The following ASCC3 variants were observed in gnomAD, a reference collection of about 807,000 sequenced individuals.
ASCC3 encodes ASC-1 complex subunit P200.
ASCC3 carries 158 observed loss-of-function variants against 256.3 expected under a neutral mutation model. The observed-to-expected ratio is 0.62, with a 90% CI of 0.54 to 0.70. The LOEUF (loss-of-function observed/expected upper bound fraction) is 0.70, where lower values mean the gene tolerates loss of function less well. Among genes scored for constraint, ASCC3 ranks in the 30% least tolerant of loss-of-function variants. The pLI, the probability that ASCC3 is intolerant of heterozygous loss-of-function variation, is 0.00. For missense variants in ASCC3, 2,259 were observed against 2,626.0 expected, an observed-to-expected ratio of 0.86 and a Z score of 3.05; for synonymous variants, 948 against 883.4, an observed-to-expected ratio of 1.07 and a Z score of -1.30.
At chr6:100,517,911 A>G in intron 38 of ASCC3, 80 bp downstream of exon 38, 2 of 1,471,954 alleles carry the variant, frequency 1.4e-6, no homozygotes, top group South Asian at 2.4e-5. Context: ...CCATAACATA[A>G]AATTTCAGTG....
chr6:100,650,647 C>G lies in ASCC3; in HGVS notation c.3143G>C (p.Gly1048Ala). 6.8e-6 allele frequency: 11 copies of G among 1,612,070 alleles called. No homozygotes were observed. Among genetic ancestry groups the G allele is most frequent in the Non-Finnish European group, 9.3e-6 (11 of 1,178,486 alleles). ...LSNFCELSTP[G>A]GVENSYGKIN... is the part of the protein sequence containing the mutation. ...TTTCCCATAACTATTCTCTACACCTCCAGGAGTGGAGAGTTCACAAAAATT... is the reference window on the plus strand; with the variant it reads ...TTTCCCATAACTATTCTCTACACCTGCAGGAGTGGAGAGTTCACAAAAATT... The change falls in exon 20 of 42, where the codon GGA becomes GCA. Residue 1048 changes from glycine (G) to alanine (A), a missense_variant. Physicochemically the swap from Gly to Ala is moderately conservative, Grantham distance 60 (BLOSUM62 0). Coordinates refer to ENST00000369162, the MANE Select transcript of ASCC3 (RefSeq NM_006828.4).
At chr6:100,723,044 AAC>A (rs552019624) in intron 11 of ASCC3, among the ~76,000 whole-genome samples, 2 of 151,700 alleles carry the variant, frequency 1.3e-5, no homozygotes, top group African/African-American at 4.8e-5. Context: ...TAGAAGTGAA[AAC>A]ACAGCGTTGA....
chr6:100,674,000 C>T (rs1023385786), intron 14 of ASCC3, among the ~76,000 whole-genome samples: 4 of 152,144 alleles, frequency 2.6e-5, no homozygotes, highest in Non-Finnish European at 4.4e-5. Flanking sequence ...TTGAATTAAT[C>T]TGCTTCTCTT....
At chr6:100,812,850 A>G (rs1268935503) in intron 4 of ASCC3, among the ~76,000 whole-genome samples, 2 of 151,966 alleles carry the variant, frequency 1.3e-5, no homozygotes, top group African/African-American at 4.8e-5. Flanking sequence ...GGAATCCTTG[A>G]ACCCAGGAGT....
At chr6:100,871,119 G>A (rs186776291) in intron 1 of ASCC3, among the ~76,000 whole-genome samples, 67 of 151,376 alleles carry the variant, frequency 4.4e-4, no homozygotes, top group African/African-American at 1.2e-3. Context: ...CTTTTGAGAC[G>A]GAGTCTCACT....
intron 36 of ASCC3, among the ~76,000 whole-genome samples, chr6:100,560,098 T>C (rs1769849950): frequency 6.6e-6 from 1 of 152,174 alleles, no homozygotes; most frequent in Admixed American, 6.6e-5. Context: ...TTTCTGGTAA[T>C]ATATGTAAGT....
intron 10 of ASCC3, among the ~76,000 whole-genome samples, chr6:100,744,714 T>C (rs1780584517): frequency 6.6e-6 from 1 of 152,234 alleles, no homozygotes; most frequent in Non-Finnish European, 1.5e-5. Context: ...ATATACACTC[T>C]GATTTTTCCA....
At chr6:100,831,629 C>A (rs1030070140) in intron 4 of ASCC3, among the ~76,000 whole-genome samples, 2 of 152,052 alleles carry the variant, frequency 1.3e-5, no homozygotes, top group Non-Finnish European at 2.9e-5. Context: ...ATTCCTGGGG[C>A]CACAGCTACT....
chr6:100,569,507 C>T (rs747471852), intron 36 of ASCC3, among the ~76,000 whole-genome samples: 64 of 152,098 alleles, frequency 4.2e-4, no homozygotes, highest in Non-Finnish European at 8.7e-4. Flanking sequence ...CTCAGCCTCC[C>T]GAGTAGCTGG....
chr6:100,636,771 T>C (rs1281356546), intron 25 of ASCC3, among the ~76,000 whole-genome samples: 1 of 152,146 alleles, frequency 6.6e-6, no homozygotes, highest in African/African-American at 2.4e-5. Context: ...GTCCGAGTGG[T>C]GTAGACAGAA....
intron 8 of ASCC3, among the ~76,000 whole-genome samples, chr6:100,794,436 G>A (rs1283994290): frequency 6.6e-6 from 1 of 151,934 alleles, no homozygotes; most frequent in Non-Finnish European, 1.5e-5. Flanking sequence ...TGTCTATCTG[G>A]CAAAAGTGTA....
rs57534235 is a variant in ASCC3 at position 100,651,588 on chromosome 6, G to C, written c.3047C>G (p.Ser1016Cys). The C allele has an allele frequency of 9.6e-4, 1,523 of 1,584,152 alleles. 13 individuals are homozygous for C. In the African/African-American group the frequency reaches 0.018, roughly 19 times the overall value. The stretch of plus-strand genomic sequence containing the variant: ...AATTTGATCAAATTCTTCAGCTTTG[G>C]AGACTATGGCAAAGATATCACCTTC... ...KTEGDIFAIV[S>C]KAEEFDQIKV... Residue 1016 changes from serine to cysteine, a missense_variant, in exon 19 of 42, where the codon TCC (serine) becomes TGC (cysteine). This residue lies in a region of ASCC3 where 1,839 missense variants were observed against 2,206.7 expected (regional missense o/e 0.83). Coordinates refer to ENST00000369162, the MANE Select transcript of ASCC3 (RefSeq NM_006828.4).
chr6:100,787,760 C>G (rs947644882), intron 8 of ASCC3, among the ~76,000 whole-genome samples: 2 of 151,984 alleles, frequency 1.3e-5, no homozygotes, highest in African/African-American at 4.8e-5. Context: ...GATGCCTGAA[C>G]AACTGGACAG....
intron 4 of ASCC3, among the ~76,000 whole-genome samples, chr6:100,842,621 T>G (rs1462068599): frequency 2.0e-5 from 3 of 152,156 alleles, no homozygotes; most frequent in Non-Finnish European, 4.4e-5. Flanking sequence ...AATAGTTATT[T>G]TTCATAAAAA....
At chr6:100,630,696 A>T (rs1774497063) in intron 26 of ASCC3, among the ~76,000 whole-genome samples, 1 of 152,048 alleles carries the variant, frequency 6.6e-6, no homozygotes, top group Non-Finnish European at 1.5e-5. Flanking sequence ...TATTAATGAA[A>T]AAAACCCCAC....
At chr6:100,680,072 T>C (rs2114965326) in intron 13 of ASCC3, among the ~76,000 whole-genome samples, 1 of 152,360 alleles carries the variant, frequency 6.6e-6, no homozygotes, top group South Asian at 2.1e-4. Context: ...TATTGAGAGC[T>C]TTCTCATTGG....
Position 100,623,395 on chromosome 6 carries a change from A to T in ASCC3, c.4785+1797T>A, listed in dbSNP as rs116812730. On this transcript the variant is annotated intron_variant, in intron 30 of 41. Coordinates refer to ENST00000369162, the MANE Select transcript of ASCC3 (RefSeq NM_006828.4). ...TATGAGTCTGTTAGTGAATAAGGTC[A>T]TCTATAGAACTAAGCAAAAACATTC... is the stretch of plus-strand genomic sequence containing the variant. Among the ~76,000 whole-genome samples, 376 of 152,318 alleles carry T rather than the reference A, an allele frequency of 2.5e-3. 4 individuals carry two copies. The highest frequency in any genetic ancestry group is 8.2e-3 in the African/African-American group (341 of 41,586).
chr6:100,704,060 T>C (rs1419306876), intron 13 of ASCC3, among the ~76,000 whole-genome samples: 2 of 151,836 alleles, frequency 1.3e-5, no homozygotes, highest in South Asian at 2.1e-4. Flanking sequence ...TTTTTTTTTT[T>C]TGCCTGTGCA....
chr6:100,724,603 T>C (rs1248839067), intron 11 of ASCC3, among the ~76,000 whole-genome samples: 1 of 151,556 alleles, frequency 6.6e-6, no homozygotes, highest in African/African-American at 2.4e-5. Flanking sequence ...AAAGGACCTC[T>C]GAGAAACGAG....
Sources: allele counts gnomAD v4.1 joint callset (sites outside exome capture counted in the v4.1 genomes callset), GRCh38; gene constraint gnomAD v4.1.1; regional missense constraint gnomAD v4.1.1; transcripts MANE v1.5; gene names NCBI Gene and HGNC (gene_info 2026-07-23, HGNC 2026-07-21).